Variants in ZNF665 observed in about 807,000 individuals in gnomAD.
ZNF665 encodes zinc finger protein 665.
In ZNF665, 6 loss-of-function variants were observed where a neutral mutation model predicts 7.9. The ratio of observed to expected loss-of-function variants is 0.76; its 90% CI spans 0.42 to 1.50. The LOEUF is 1.50. ZNF665 is among the 40% of genes most tolerant of loss of function. The pLI, the probability that ZNF665 is intolerant of heterozygous loss-of-function variation, is 0.01. For synonymous variants in ZNF665, 242 were observed against 274.5 expected, an observed-to-expected ratio of 0.88 and a Z score of 1.17; for missense variants, 819 against 806.7, an observed-to-expected ratio of 1.02 and a Z score of -0.18.
chr19:53,168,464 T>C (rs1599872757), intron 3 of ZNF665, among the ~76,000 whole-genome samples: 2 of 152,264 alleles, frequency 1.3e-5, no homozygotes, highest in East Asian at 3.9e-4. Context: ...CCTAAATAAA[T>C]GAAAAGCTAA....
intron 1 of ZNF665, among the ~76,000 whole-genome samples, chr19:53,189,323 G>A (rs1599889016): frequency 6.6e-6 from 1 of 151,842 alleles, no homozygotes; most frequent in South Asian, 2.1e-4. Flanking sequence ...GCGCCCGGGG[G>A]ACCACTACCA....
intron 1 of ZNF665, among the ~76,000 whole-genome samples, chr19:53,191,995 C>T (rs1304721814): frequency 6.6e-6 from 1 of 151,970 alleles, no homozygotes; most frequent in Admixed American, 6.6e-5. Flanking sequence ...ACATCTCTCT[C>T]ATTCTCTTCT....
rs147129840 is a variant in ZNF665, at chr19:53,165,717, C to G, written c.773G>C (p.Gly258Ala). Residue 258 changes from glycine to alanine, a missense_variant, in exon 4 of 4, where the codon GGA (glycine) becomes GCA (alanine). Transcript: ENST00000396424. ...NLAGHQRIHT[G>A]EKPYKCNECG... Reference sequence around the variant, plus strand: ...CTCATTACACTTGTAAGGTTTCTCTCCAGTATGAATTCTCTGATGACCTGC... The same window carrying G: ...CTCATTACACTTGTAAGGTTTCTCTGCAGTATGAATTCTCTGATGACCTGC... 8.5e-5 allele frequency: 137 copies of G among 1,614,146 alleles called. No homozygotes were observed. In the African/African-American group the frequency reaches 1.7e-3, roughly 20 times the overall value.
intron 3 of ZNF665, among the ~76,000 whole-genome samples, chr19:53,171,524 A>ATTTTTTTTT (rs1215685651): frequency 1.7e-4 from 12 of 69,316 alleles, no homozygotes; most frequent in African/African-American, 5.2e-4. Flanking sequence ...ATATATATAT[A>ATTTTTTTTT]TTTTTTTTTT....
intron 1 of ZNF665, among the ~76,000 whole-genome samples, chr19:53,189,256 C>T (rs563072659): frequency 1.4e-4 from 22 of 151,950 alleles, no homozygotes; most frequent in Admixed American, 1.3e-3. Context: ...CCGTGTGCAG[C>T]GACGAGAGAG....
At chr19:53,177,454 C>T (rs966447321) in intron 2 of ZNF665, among the ~76,000 whole-genome samples, 8 of 150,822 alleles carry the variant, frequency 5.3e-5, no homozygotes, top group Non-Finnish European at 8.9e-5. Context: ...AAAAATTAGC[C>T]GGAAATTGCT....
chr19:53,164,469 C>G lies in ZNF665; in HGVS notation c.2021G>C (p.Arg674Thr). The change falls in exon 4 of 4, where the codon AGA (arginine) becomes ACA (threonine). Residue 674 changes from arginine (R) to threonine (T), a missense_variant. Physicochemically the swap from Arg to Thr is moderately conservative, Grantham distance 71. Transcript: ENST00000396424. ...GTAAGGTTTCTATCCACTATGAATT[C>G]TTCGATGTTTTGCAAGGTTTGAATT... ...TQNSNLAKHRRIHSG is the reference protein window; with the variant it reads ...TQNSNLAKHRTIHSG 1 of 1,594,154 alleles carries G rather than the reference C, an allele frequency of 6.3e-7. No individual in the cohort carries two copies. Among genetic ancestry groups the G allele is most frequent in the Non-Finnish European group, 8.5e-7 (1 of 1,170,274 alleles).
At chr19:53,174,000 C>T (rs111303706) in intron 3 of ZNF665, among the ~76,000 whole-genome samples, 2,866 of 152,256 alleles carry the variant, frequency 0.019, 75 homozygotes, top group African/African-American at 0.053. Context: ...GAGACCTCAA[C>T]AGGCAAGGAA....
chr19:53,171,526 T>TATATATATATA (rs1404974938), intron 3 of ZNF665, among the ~76,000 whole-genome samples: 52 of 36,378 alleles, frequency 1.4e-3, no homozygotes, highest in African/African-American at 5.1e-3. Context: ...ATATATATAT[T>TATATATATATA]TTTTTTTTTT....
rs1479323170 is a variant in ZNF665 at position 53,175,532 on chromosome 19, G to C, written c.55C>G (p.Gln19Glu). Residue 19 changes from glutamine (Q) to glutamate (E), a missense_variant, in exon 3 of 4, where the codon CAG becomes GAG. Transcript: ENST00000396424. ...TFKDVAIEFS[Q>E]EEWTCLDPAQ... ...GGGTCCAGGCATGTCCACTCCTCCT[G>C]AGAGAATTCTATGGCCACATCCTTG... 1.2e-6 allele frequency: 2 copies of C among 1,610,690 alleles called. No individual in the cohort carries two copies. The highest frequency in any genetic ancestry group is 2.2e-5 in the South Asian group (2 of 90,686).
At chr19:53,191,160 G>A (rs1006379193) in intron 1 of ZNF665, among the ~76,000 whole-genome samples, 3 of 152,206 alleles carry the variant, frequency 2.0e-5, no homozygotes, top group East Asian at 1.9e-4. Flanking sequence ...GACAGTGTCC[G>A]AATTGAATTA....
chr19:53,164,933 A>C lies in ZNF665; in HGVS notation c.1557T>G (p.Cys519Trp). The C allele has an allele frequency of 6.2e-7, 1 of 1,614,202 alleles. No individual in the cohort carries two copies. The highest frequency in any genetic ancestry group is 2.2e-5 in the East Asian group (1 of 44,870). ...TTGAATGAACACTAAAGGCTTTGCC[A>C]CACTCATTACACTTGTAAGGTTTTT... ...TGEKPYKCNECGKAFSVHSSL... is the reference protein window; with the variant it reads ...TGEKPYKCNEWGKAFSVHSSL... Residue 519 changes from cysteine to tryptophan, a missense_variant, in exon 4 of 4, where the codon TGT (cysteine) becomes TGG (tryptophan). Coordinates refer to ENST00000396424, the MANE Select transcript of ZNF665 (RefSeq NM_024733.5).
At chr19:53,187,104 AC>A (rs1236184194) in intron 1 of ZNF665, among the ~76,000 whole-genome samples, 3 of 9,662 alleles carry the variant, frequency 3.1e-4, no homozygotes, top group Admixed American at 6.3e-4. Context: ...CGGGGGGCTG[AC>A]CCCCCCCACC....
chr19:53,169,138 G>C (rs898276863), intron 3 of ZNF665, among the ~76,000 whole-genome samples: 1 of 152,022 alleles, frequency 6.6e-6, no homozygotes, highest in Non-Finnish European at 1.5e-5. Flanking sequence ...CTCGGACTGA[G>C]GGAAAATATT....
At chr19:53,184,935 G>GAC (rs762249222) in intron 1 of ZNF665, among the ~76,000 whole-genome samples, 7 of 152,092 alleles carry the variant, frequency 4.6e-5, no homozygotes, top group Non-Finnish European at 8.8e-5. Flanking sequence ...AGAGAGAGGA[G>GAC]AAAGAGAGAA....
chr19:53,164,398 A>G lies in ZNF665; in HGVS notation c.*55T>C. 1 of 1,418,438 alleles carries G rather than the reference A, an allele frequency of 7.1e-7. No individual in the cohort carries two copies. The highest frequency in any genetic ancestry group is 9.4e-7 in the Non-Finnish European group (1 of 1,065,688). The allele number at this position is 1,418,438 out of a possible 1,614,324, so 87.9% of individuals were successfully genotyped here. ...GGTGATCCCCCCGCCTCGGCCTCCC[A>G]AAGTGCTGGGATTACAGGCGTGAGC... On this transcript the variant is annotated 3_prime_UTR_variant, in exon 4 of 4. Transcript: ENST00000396424.
At chr19:53,175,859 A>T (rs2090694147) in intron 2 of ZNF665, among the ~76,000 whole-genome samples, 1 of 152,202 alleles carries the variant, frequency 6.6e-6, no homozygotes, top group African/African-American at 2.4e-5. Flanking sequence ...TGGAAAGACC[A>T]AGGCAAGATT....
chr19:53,191,890 A>C (rs1220824245), intron 1 of ZNF665: 3 of 152,216 alleles, frequency 2.0e-5, no homozygotes, highest in Non-Finnish European at 4.4e-5. Context: ...TCAATATATC[A>C]CGATGTAATT....
intron 2 of ZNF665, chr19:53,181,189 G>A (rs2090735132): frequency 6.6e-6 from 1 of 152,168 alleles, no homozygotes; most frequent in Admixed American, 6.5e-5. Context: ...GGAGGCCAAG[G>A]CGGGTGGATT....
Sources: allele counts gnomAD v4.1 joint callset (sites outside exome capture counted in the v4.1 genomes callset), GRCh38; gene constraint gnomAD v4.1.1; transcripts MANE v1.5; gene names NCBI Gene and HGNC (gene_info 2026-07-23, HGNC 2026-07-21).